Variants in LPP observed in about 807,000 individuals in gnomAD.
The protein encoded by LPP is LIM domain containing preferred translocation partner in lipoma.
Under a neutral mutation model 60.4 loss-of-function variants are expected in LPP, and 38 were observed. The observed-to-expected ratio is 0.63, with a 90% confidence interval of 0.49 to 0.83. The LOEUF is 0.83. Among genes scored for constraint, LPP ranks in the 40% least tolerant of loss-of-function variants. The probability of loss-of-function intolerance (pLI) is 0.00; values close to 1 mark genes in which losing one functional copy is unlikely to be tolerated. For synonymous variants in LPP, 328 were observed against 290.8 expected (o/e 1.13, Z -1.30); for missense variants, 902 against 783.6 (o/e 1.15, Z -1.80).
At chr3:188,484,920 G>C (rs1442160881) in intron 5 of LPP, among the ~76,000 whole-genome samples, 1 of 152,066 alleles carries the variant, frequency 6.6e-6, no homozygotes, top group South Asian at 2.1e-4. Context: ...CTTACCCTCT[G>C]AAGCCCTCAA....
rs1478104714 is a variant in LPP, at chr3:188,352,872, A to G, written c.-10+11153A>G. The stretch of plus-strand genomic sequence containing the variant: ...GAAAGTGAAGGAGAGTAAGAAGCCC[A>G]GAGTAAATGGCCAAGGTGCCACTAA... On this transcript the variant is annotated intron_variant, in intron 3 of 11. Transcript: ENST00000617246. The surrounding 1 kb of genome is among the most constrained non-coding windows in gnomAD (Gnocchi z 4.4). 6.6e-6 allele frequency among the ~76,000 whole-genome samples: 1 copy of G among 152,222 alleles called. No homozygotes were observed. Among genetic ancestry groups the G allele is most frequent in the East Asian group, 1.9e-4 (1 of 5,192 alleles).
intron 3 of LPP, among the ~76,000 whole-genome samples, chr3:188,360,987 G>A (rs1318600352): frequency 2.0e-5 from 3 of 152,230 alleles, no homozygotes; most frequent in East Asian, 3.9e-4. Flanking sequence ...TATTGTTGAT[G>A]TTTTCTTTGT....
chr3:188,271,364 T>A (rs996449629), intron 2 of LPP, among the ~76,000 whole-genome samples: 1 of 152,198 alleles, frequency 6.6e-6, no homozygotes, highest in Non-Finnish European at 1.5e-5. Flanking sequence ...TTGATAGTTG[T>A]CTGCTTCTCT....
chr3:188,549,528 T>C (rs1234394001), intron 6 of LPP, among the ~76,000 whole-genome samples: 1 of 152,238 alleles, frequency 6.6e-6, no homozygotes, highest in African/African-American at 2.4e-5. Context: ...TATAGGTCTT[T>C]GTTAGTTCCA....
chr3:188,853,696 G>A (rs1039101856), intron 9 of LPP, among the ~76,000 whole-genome samples: 5 of 152,192 alleles, frequency 3.3e-5, no homozygotes, highest in Admixed American at 3.3e-4. Flanking sequence ...CATATAAACT[G>A]ATCGTCTTTG....
At chr3:188,573,281 T>C (rs1387183821) in intron 6 of LPP, among the ~76,000 whole-genome samples, 4 of 152,114 alleles carry the variant, frequency 2.6e-5, no homozygotes, top group Non-Finnish European at 5.9e-5. Flanking sequence ...CAAACTATAA[T>C]GGATTTGAAT....
chr3:188,761,606 A>G (rs990562922), intron 9 of LPP, among the ~76,000 whole-genome samples: 1 of 152,214 alleles, frequency 6.6e-6, no homozygotes, highest in African/African-American at 2.4e-5. Flanking sequence ...CGTATGACCT[A>G]TCATTAGTGT....
chr3:188,602,142 C>CAT (rs1344043046), intron 6 of LPP, among the ~76,000 whole-genome samples: 3 of 103,678 alleles, frequency 2.9e-5, no homozygotes, highest in African/African-American at 3.7e-5. Context: ...TTCTTAATCT[C>CAT]ATATATATAT....
chr3:188,443,472 G>A (rs901431599), intron 4 of LPP, among the ~76,000 whole-genome samples: 4 of 152,092 alleles, frequency 2.6e-5, no homozygotes, highest in African/African-American at 9.7e-5. Context: ...GGAAAGTATT[G>A]GCCTGCATTT....
rs144111386 is a variant in LPP at position 188,707,790 on chromosome 3, G to C, written c.1114-477G>C. Among the ~76,000 whole-genome samples, 541 of 152,162 alleles carry C rather than the reference G, an allele frequency of 3.6e-3. 3 individuals are homozygous for C. The highest frequency in any genetic ancestry group is 0.013 in the African/African-American group (522 of 41,500). ...GTTTTCTCCCTTTTAGCTGAATAAG[G>C]CCTAGCCTGCTCTGCTCCCTCTCTT... On this transcript the variant is annotated intron_variant, in intron 7 of 11. Coordinates refer to ENST00000617246, the MANE Select transcript of LPP (RefSeq NM_001375462.1).
intron 2 of LPP, among the ~76,000 whole-genome samples, chr3:188,230,909 G>A (rs7626494): frequency 0.026 from 4,010 of 152,278 alleles, 184 homozygotes; most frequent in African/African-American, 0.092. Context: ...CAGTCTCACC[G>A]GAAGGCTGAA....
At chr3:188,243,826 T>C (rs1725858834) in intron 2 of LPP, among the ~76,000 whole-genome samples, 1 of 152,140 alleles carries the variant, frequency 6.6e-6, no homozygotes, top group African/African-American at 2.4e-5. Context: ...ACTCTGACAC[T>C]AATCTGAGTT....
intron 6 of LPP, among the ~76,000 whole-genome samples, chr3:188,607,111 G>A (rs1019561650): frequency 1.6e-4 from 20 of 124,020 alleles, no homozygotes; most frequent in Non-Finnish European, 3.3e-4. Flanking sequence ...CTCTTTCTTG[G>A]TGAAGACACA....
intron 1 of LPP, among the ~76,000 whole-genome samples, chr3:188,216,273 C>CTTTTTTT (rs1315000809): frequency 2.3e-5 from 3 of 131,172 alleles, no homozygotes; most frequent in Non-Finnish European, 4.9e-5. Context: ...CTTCTTCTTC[C>CTTTTTTT]TTTTTTTTTT....
chr3:188,820,726 A>G (rs1198201626), intron 9 of LPP, among the ~76,000 whole-genome samples: 1 of 152,210 alleles, frequency 6.6e-6, no homozygotes, highest in African/African-American at 2.4e-5. Context: ...TTTCATTTTT[A>G]GTGTTCTTAA....
chr3:188,609,500 C>G lies in LPP; in HGVS notation c.769C>G (p.Pro257Ala), dbSNP rs1461239824. The change falls in exon 7 of 12, where the codon CCT (proline) becomes GCT (alanine). Residue 257 changes from proline to alanine, a missense_variant. Transcript: ENST00000617246. This position sits in a 1 kb window ranked among gnomAD's most constrained non-coding sequence, Gnocchi z 6.9. The stretch of plus-strand genomic sequence containing the variant: ...CCAGGGCTATAACACTCAGCCAGTT[C>G]CTGTCTCTGGGCAGTGTCCACCTCC... The part of the protein sequence containing the change: ...GPQGYNTQPV[P>A]VSGQCPPPST... 6.2e-7 allele frequency: 1 copy of G among 1,614,070 alleles called. No individual in the cohort carries two copies. Among genetic ancestry groups the G allele is most frequent in the African/African-American group, 1.3e-5 (1 of 74,994 alleles).
At chr3:188,564,035 G>A (rs1382082140) in intron 6 of LPP, among the ~76,000 whole-genome samples, 2 of 151,862 alleles carry the variant, frequency 1.3e-5, no homozygotes, top group African/African-American at 4.8e-5. Flanking sequence ...GATAGAATAA[G>A]GTACTTAACG....
intron 5 of LPP, among the ~76,000 whole-genome samples, chr3:188,510,004 A>G (rs1340032860): frequency 1.3e-5 from 2 of 150,874 alleles, no homozygotes; most frequent in East Asian, 3.9e-4. Flanking sequence ...GGCGTGAGCC[A>G]CTGCACCGGG....
chr3:188,489,444 G>T (rs765840489), intron 5 of LPP, among the ~76,000 whole-genome samples: 1 of 152,110 alleles, frequency 6.6e-6, no homozygotes, highest in Non-Finnish European at 1.5e-5. Flanking sequence ...TTTCAGATAG[G>T]TGAGTGGATT....
Sources: gnomAD v4.1 joint callset for allele counts (sites outside exome capture counted in the v4.1 genomes callset) on GRCh38, gnomAD v4.1.1 for gene constraint, Gnocchi (gnomAD v3.1) non-coding constraint, MANE v1.5 for transcripts, NCBI Gene and HGNC (gene_info 2026-07-23, HGNC 2026-07-21) for gene names.